The following PHF21A variants were observed in gnomAD, a reference collection of about 807,000 sequenced individuals.
PHF21A encodes the protein BHC80a.
A neutral mutation model predicts 82.5 loss-of-function variants in PHF21A; 11 were observed. That is an observed-to-expected ratio of 0.13 (90% CI 0.08 to 0.22). The LOEUF (loss-of-function observed/expected upper bound fraction) is 0.22, where lower values mean the gene tolerates loss of function less well. Among genes scored for constraint, PHF21A ranks in the 10% least tolerant of loss-of-function variants. The pLI, the probability that PHF21A is intolerant of heterozygous loss-of-function variation, is 1.00. For missense variants in PHF21A, 579 were observed against 837.8 expected, an observed-to-expected ratio of 0.69 and a Z score of 3.81; for synonymous variants, 297 against 302.8, an observed-to-expected ratio of 0.98 and a Z score of 0.20.
intron 6 of PHF21A, among the ~76,000 whole-genome samples, chr11:46,033,874 T>C (rs1206185786): frequency 1.3e-5 from 2 of 152,270 alleles, no homozygotes; most frequent in African/African-American, 4.8e-5. Context: ...TGCTCTAGAG[T>C]ATATATCTAG....
chr11:45,984,855 A>T (rs1385927147), intron 6 of PHF21A, among the ~76,000 whole-genome samples: 3 of 152,180 alleles, frequency 2.0e-5, no homozygotes, highest in Non-Finnish European at 4.4e-5. Flanking sequence ...TTGCGTATCA[A>T]TTATTAGAGG....
chr11:46,097,489 T>C (rs545476598), intron 1 of PHF21A, among the ~76,000 whole-genome samples: 8 of 152,272 alleles, frequency 5.3e-5, no homozygotes, highest in South Asian at 2.1e-4. Flanking sequence ...CCTCAAATTA[T>C]TGAGGAAATC....
intron 18 of PHF21A, chr11:45,935,109 G>A (rs745360757): frequency 1.6e-6 from 2 of 1,289,046 alleles, no homozygotes; most frequent in South Asian, 2.5e-5. Flanking sequence ...GGCCGGGCTG[G>A]GCAGTACTTA....
At chr11:46,099,572 C>CACCCT (rs1288085831) in intron 1 of PHF21A, among the ~76,000 whole-genome samples, 1 of 111,392 alleles carries the variant, frequency 9.0e-6, no homozygotes, top group Non-Finnish European at 2.1e-5. Flanking sequence ...ACCCTAAACA[C>CACCCT]AAACACAAAC....
At chr11:46,115,636 A>G (rs2097280010) in intron 1 of PHF21A, among the ~76,000 whole-genome samples, 2 of 152,226 alleles carry the variant, frequency 1.3e-5, no homozygotes, top group African/African-American at 4.8e-5. Context: ...GCTCCTGAGA[A>G]GTCAACATAA....
At chr11:46,049,599 G>T in intron 6 of PHF21A, 1 of 408,564 alleles carries the variant, frequency 2.4e-6, no homozygotes, top group Middle Eastern at 4.1e-4. Context: ...GCATATTTCT[G>T]GTTTTGCTCT....
At chr11:46,087,663 A>G (rs1035369588) in intron 3 of PHF21A, among the ~76,000 whole-genome samples, 7 of 152,208 alleles carry the variant, frequency 4.6e-5, no homozygotes, top group African/African-American at 1.7e-4. Flanking sequence ...AGGCAGGTAC[A>G]TGTTGAATCT....
chr11:45,956,780 AC>A (rs2092674372), intron 10 of PHF21A, among the ~76,000 whole-genome samples: 1 of 152,212 alleles, frequency 6.6e-6, no homozygotes, highest in African/African-American at 2.4e-5. Context: ...CGTAAGATAT[AC>A]AGAAAACAAA....
At chr11:46,006,962 C>A (rs1234460958) in intron 6 of PHF21A, among the ~76,000 whole-genome samples, 2 of 152,108 alleles carry the variant, frequency 1.3e-5, no homozygotes, top group Non-Finnish European at 2.9e-5. Context: ...ATAACAAGAG[C>A]TATTATTTAC....
intron 6 of PHF21A, among the ~76,000 whole-genome samples, chr11:46,027,742 G>A (rs2095780306): frequency 6.6e-6 from 1 of 152,154 alleles, no homozygotes; most frequent in Non-Finnish European, 1.5e-5. Context: ...TACTGTCCCA[G>A]GAATCAGTAT....
At chr11:46,000,880 A>G (rs1407359738) in intron 6 of PHF21A, among the ~76,000 whole-genome samples, 4 of 152,122 alleles carry the variant, frequency 2.6e-5, no homozygotes, top group African/African-American at 9.7e-5. Context: ...AGATCGCACC[A>G]TTGCACTCCA....
intron 1 of PHF21A, among the ~76,000 whole-genome samples, chr11:46,098,407 T>A (rs1242651453): frequency 6.6e-6 from 1 of 152,166 alleles, no homozygotes; most frequent in Non-Finnish European, 1.5e-5. Context: ...GGCTTTTAAG[T>A]AGAATAAAAA....
chr11:46,003,014 TCTAA>T (rs992707206), intron 6 of PHF21A, among the ~76,000 whole-genome samples: 2 of 152,202 alleles, frequency 1.3e-5, no homozygotes, highest in African/African-American at 2.4e-5. Flanking sequence ...TACTATGATT[TCTAA>T]CTGTTTTGGA....
intron 10 of PHF21A, among the ~76,000 whole-genome samples, chr11:45,955,056 G>T (rs1326280022): frequency 6.6e-6 from 1 of 152,144 alleles, no homozygotes; most frequent in South Asian, 2.1e-4. Flanking sequence ...AGTGCTCTGG[G>T]GCACAAATGC....
chr11:46,051,860 C>T (rs1184074580), intron 6 of PHF21A, among the ~76,000 whole-genome samples: 1 of 152,156 alleles, frequency 6.6e-6, no homozygotes, highest in African/African-American at 2.4e-5. Context: ...GACAAAAATT[C>T]TTCTGTACAG....
At chr11:46,079,022 A>G in intron 5 of PHF21A, 112 bp downstream of exon 5, 1 of 610,820 alleles carries the variant, frequency 1.6e-6, no homozygotes, top group Non-Finnish European at 2.8e-6. Context: ...GCTATTAGAA[A>G]TGAAATAATT....
At chr11:46,040,165 G>A (rs1592351455) in intron 6 of PHF21A, among the ~76,000 whole-genome samples, 1 of 152,146 alleles carries the variant, frequency 6.6e-6, no homozygotes. Context: ...AATCCCAAGT[G>A]ACTTTTCACT....
intron 6 of PHF21A, among the ~76,000 whole-genome samples, chr11:46,017,335 C>G (rs1471125957): frequency 6.6e-6 from 1 of 152,172 alleles, no homozygotes; most frequent in East Asian, 1.9e-4. Context: ...AGGAAAAAAT[C>G]AGATTTGTTT....
chr11:45,990,279 A>T (rs11038734), intron 6 of PHF21A, among the ~76,000 whole-genome samples: 4 of 118,050 alleles, frequency 3.4e-5, no homozygotes, highest in South Asian at 3.1e-4. Context: ...TTTTTTTTCA[A>T]ACAGGATCTC....
Sources: gnomAD v4.1 joint callset for allele counts (sites outside exome capture counted in the v4.1 genomes callset) on GRCh38, gnomAD v4.1.1 for gene constraint, MANE v1.5 for transcripts, NCBI Gene and HGNC (gene_info 2026-07-23, HGNC 2026-07-21) for gene names.